DIPK1C: variants seen among roughly 807,000 people sequenced by gnomAD.
DIPK1C encodes familial non-conventional Alzheimer's dementia.
A neutral mutation model predicts 28.0 loss-of-function variants in DIPK1C; 33 were observed. The observed-to-expected ratio is 1.18, with a 90% CI of 0.89 to 1.58. The LOEUF is 1.58. Among genes scored for constraint, DIPK1C ranks in the 40% most tolerant of loss-of-function variants. DIPK1C has a pLI of 0.00. For missense variants in DIPK1C, 569 were observed against 568.5 expected (o/e 1.00, Z -0.01); for synonymous variants, 255 against 248.8 (o/e 1.02, Z -0.23).
intron 1 of DIPK1C, among the ~76,000 whole-genome samples, chr18:74,454,671 C>T (rs953201195): frequency 3.9e-5 from 6 of 152,274 alleles, no homozygotes; most frequent in South Asian, 2.1e-4. Context: ...GCCAGGGGAG[C>T]GGAGACAGAG....
the DIPK1C span, among the ~76,000 whole-genome samples, chr18:74,463,517 T>A: frequency 6.6e-6 from 1 of 152,144 alleles, no homozygotes; most frequent in Non-Finnish European, 1.5e-5. Flanking sequence ...TGGTTGAGAT[T>A]TCCCTCCAGT....
intron 1 of DIPK1C, among the ~76,000 whole-genome samples, chr18:74,456,674 G>C (rs10871735): frequency 0.52 from 79,076 of 152,138 alleles, 21,162 homozygotes; most frequent in East Asian, 0.59. Flanking sequence ...CCCGGATCCC[G>C]AACCCCGCAC....
intron 1 of DIPK1C, among the ~76,000 whole-genome samples, chr18:74,449,647 C>G (rs1369597873): frequency 1.3e-5 from 2 of 152,164 alleles, no homozygotes; most frequent in African/African-American, 2.4e-5. Context: ...TTGGCTAACA[C>G]AATGATGCAC....
At chr18:74,444,378 T>C (rs1355204547) in intron 2 of DIPK1C, among the ~76,000 whole-genome samples, 1 of 152,152 alleles carries the variant, frequency 6.6e-6, no homozygotes, top group African/African-American at 2.4e-5. Flanking sequence ...AATGACCAAT[T>C]CTTACACCTC....
rs142633151 is a variant in DIPK1C, at chr18:74,438,865, G to A, written c.1042-2146C>T. Among the ~76,000 whole-genome samples the A allele has an allele frequency of 4.9e-3, 752 of 152,208 alleles. 4 individuals carry two copies. The highest frequency in any genetic ancestry group is 6.7e-3 in the Non-Finnish European group (454 of 67,972). On this transcript the variant is annotated intron_variant, in intron 3 of 3. Transcript: ENST00000343998. ...TGGAGTTGTCCCTTAGTGAGGCATA[G>A]GGGGGCTTGGTGTTGGGCCCACCCT...
At chr18:74,442,336 T>C (rs4892214) in intron 2 of DIPK1C, among the ~76,000 whole-genome samples, 113,303 of 151,670 alleles carry the variant, frequency 0.75, 42,851 homozygotes, top group East Asian at 0.99. Flanking sequence ...TTTTCTTTTT[T>C]TTTTTTAATT....
chr18:74,462,809 C>T (rs1043693707), upstream of DIPK1C, among the ~76,000 whole-genome samples: 6 of 152,108 alleles, frequency 3.9e-5, no homozygotes, highest in East Asian at 1.9e-4. Flanking sequence ...AGAGGGTGCA[C>T]GGTGGTATTT....
At chr18:74,443,843 TGG>T (rs1986199054) in intron 2 of DIPK1C, among the ~76,000 whole-genome samples, 3 of 152,186 alleles carry the variant, frequency 2.0e-5, no homozygotes, top group Admixed American at 2.0e-4. Context: ...ATTCTTTCTA[TGG>T]TTTCTGCCGA....
In DIPK1C at chr18:74,442,089, A is replaced by G. The variant is rs1986140787; in HGVS notation, c.904T>C (p.Phe302Leu). 1.9e-6 allele frequency: 3 copies of G among 1,614,180 alleles called. No individual in the cohort carries two copies. In the East Asian group the frequency reaches 6.7e-5, roughly 36 times the overall value. ...TVVAIDVDMA[F>L]FEPKMREILE... ...ATTTCCCTCATTTTAGGTTCAAAAA[A>G]GGCCATGTCCACATCAATAGCCACC... The change falls in exon 3 of 4, where the codon TTT becomes CTT. Residue 302 changes from phenylalanine to leucine, a missense_variant. Physicochemically the swap from Phe to Leu is conservative, Grantham distance 22. Coordinates refer to ENST00000343998, the MANE Select transcript of DIPK1C (RefSeq NM_001044369.3).
chr18:74,445,169 G>T (rs1986231084), intron 2 of DIPK1C, among the ~76,000 whole-genome samples: 1 of 152,304 alleles, frequency 6.6e-6, no homozygotes, highest in South Asian at 2.1e-4. Flanking sequence ...GGGGTTGTAC[G>T]TGGACACTCC....
chr18:74,456,421 C>T (rs766703351), intron 1 of DIPK1C, among the ~76,000 whole-genome samples: 16 of 152,262 alleles, frequency 1.1e-4, no homozygotes, highest in Non-Finnish European at 2.1e-4. Context: ...AGGACCGGGA[C>T]CCGGGATCCT....
At chr18:74,442,197 A>T in intron 2 of DIPK1C, 81 bp from the exon 3 acceptor site, 1 of 1,522,394 alleles carries the variant, frequency 6.6e-7, no homozygotes, top group Non-Finnish European at 8.9e-7. Flanking sequence ...ACTTCTGTTC[A>T]CCTCGTGCGG....
chr18:74,439,665 A>T (rs570846541), intron 3 of DIPK1C, among the ~76,000 whole-genome samples: 3 of 152,170 alleles, frequency 2.0e-5, no homozygotes, highest in African/African-American at 7.2e-5. Context: ...AAAATAAATT[A>T]AAAAATTAGC....
chr18:74,436,497 G>A lies in DIPK1C; in HGVS notation c.*4C>T. On this transcript the variant is annotated 3_prime_UTR_variant, in exon 4 of 4. Transcript: ENST00000343998. ...GTGTGAGCATGTTTAAGGCCAGAGAGTGGCTACTTCTCTGCCTCCTGCAGC... is the reference window on the plus strand; with the variant it reads ...GTGTGAGCATGTTTAAGGCCAGAGAATGGCTACTTCTCTGCCTCCTGCAGC... The A allele has an allele frequency of 6.3e-7, 1 of 1,592,642 alleles. No homozygotes were observed. Among genetic ancestry groups the A allele is most frequent in the Admixed American group, 1.7e-5 (1 of 57,210 alleles).
intron 3 of DIPK1C, among the ~76,000 whole-genome samples, chr18:74,439,278 T>C (rs1986065691): frequency 6.6e-6 from 1 of 152,168 alleles, no homozygotes; most frequent in African/African-American, 2.4e-5. Context: ...ATCTGAGCCA[T>C]CTGGAATCTA....
chr18:74,443,378 A>G (rs1599036940), intron 2 of DIPK1C, among the ~76,000 whole-genome samples: 2 of 152,190 alleles, frequency 1.3e-5, no homozygotes, highest in Non-Finnish European at 2.9e-5. Flanking sequence ...GCATTTCACA[A>G]GCCTTCACAG....
At chr18:74,436,741 A>G in intron 3 of DIPK1C, 22 bp from the exon 4 acceptor site, 1 of 1,584,184 alleles carries the variant, frequency 6.3e-7, no homozygotes, top group Non-Finnish European at 8.6e-7. Context: ...AAGGGTGGAC[A>G]GTTAATTTAG....
chr18:74,446,548 C>G, intron 2 of DIPK1C, 58 bp downstream of exon 2: 1 of 1,347,454 alleles, frequency 7.4e-7, no homozygotes, highest in Admixed American at 3.7e-5. Context: ...CATTTCCTTC[C>G]CTCCAGACCC....
At chr18:74,445,721 G>A (rs766183283) in intron 2 of DIPK1C, among the ~76,000 whole-genome samples, 3 of 152,178 alleles carry the variant, frequency 2.0e-5, no homozygotes, top group African/African-American at 4.8e-5. Context: ...GGCACTGGCC[G>A]CCTAAGAATG....
Sources: gnomAD v4.1 joint callset for allele counts (sites outside exome capture counted in the v4.1 genomes callset) on GRCh38, gnomAD v4.1.1 for gene constraint, MANE v1.5 for transcripts, NCBI Gene and HGNC (gene_info 2026-07-23, HGNC 2026-07-21) for gene names.